Variants in FGF13 observed in about 807,000 individuals in gnomAD.
The protein encoded by FGF13 is fibroblast growth factor 13, also known as fibroblast growth factor homologous factor 2.
FGF13 carries 2 observed loss-of-function variants against 19.5 expected under a neutral mutation model. The ratio of observed to expected loss-of-function variants is 0.10; its 90% CI spans 0.04 to 0.32. The LOEUF is 0.32. Among genes scored for constraint, FGF13 ranks in the 10% least tolerant of loss-of-function variants. The pLI is 1.00. For synonymous variants in FGF13, 72 were observed against 76.9 expected, an observed-to-expected ratio of 0.94 and a Z score of 0.33; for missense variants, 113 against 192.7, an observed-to-expected ratio of 0.59 and a Z score of 2.45.
At chrX:138,840,617 T>C (rs5974779) in intron 3 of FGF13, among the ~76,000 whole-genome samples, 8,356 of 111,300 alleles carry the variant, frequency 0.075, 786 homozygotes, top group African/African-American at 0.26. Context: ...CTGACTCTCA[T>C]TGTGTTATCT....
upstream of FGF13, among the ~76,000 whole-genome samples, chrX:138,740,009 C>G (rs756798828): frequency 6.2e-5 from 7 of 112,107 alleles, no homozygotes; most frequent in Non-Finnish European, 1.1e-4. Context: ...TTACACCATA[C>G]TCGTTACTGA....
intron 1 of FGF13, among the ~76,000 whole-genome samples, chrX:139,108,804 T>G (rs1209790484): frequency 9.0e-6 from 1 of 110,754 alleles, no homozygotes; most frequent in Non-Finnish European, 1.9e-5. Context: ...AAGCCCAGCA[T>G]GCACTAGCTA....
intron 1 of FGF13, among the ~76,000 whole-genome samples, chrX:138,731,899 TAAG>T (rs1279048346): frequency 9.0e-6 from 1 of 111,097 alleles, no homozygotes; most frequent in African/African-American, 3.3e-5. Flanking sequence ...AACAACTCAA[TAAG>T]ATAAGAAAAT....
intron 1 of FGF13, among the ~76,000 whole-genome samples, chrX:138,973,887 A>G (rs1165586288): frequency 8.9e-6 from 1 of 111,811 alleles, no homozygotes; most frequent in Admixed American, 9.6e-5. Flanking sequence ...ATGTTCTTAC[A>G]GGCGAACTTG....
chrX:138,639,879 G>A lies in FGF13; in HGVS notation c.403-4224C>T, dbSNP rs761872451. 9.9e-4 allele frequency among the ~76,000 whole-genome samples: 109 copies of A among 110,309 alleles called. 1 individual carries two copies. The highest frequency in any genetic ancestry group is 3.6e-3 in the African/African-American group (108 of 30,308). ...ATGGTGGTGGGCACCTGTAGTCCCA[G>A]CTACTCAGGAGGCTGAGGCAGGAGA... On this transcript the variant is annotated intron_variant, in intron 3 of 4. Coordinates refer to ENST00000315930, the MANE Select transcript of FGF13 (RefSeq NM_004114.5).
intron 1 of FGF13, among the ~76,000 whole-genome samples, chrX:139,140,081 T>C (rs1476503364): frequency 2.7e-5 from 3 of 111,553 alleles, no homozygotes; most frequent in Non-Finnish European, 5.7e-5. Context: ...CAGGACTTCA[T>C]TTCCCATTCA....
chrX:139,009,300 G>T (rs1452329235), intron 1 of FGF13, among the ~76,000 whole-genome samples: 1 of 111,064 alleles, frequency 9.0e-6, no homozygotes, highest in Non-Finnish European at 1.9e-5. Context: ...GAAGCTCAAA[G>T]AACACCTGGG....
chrX:138,780,201 C>T (rs1319364290), intron 3 of FGF13, among the ~76,000 whole-genome samples: 25 of 109,570 alleles, frequency 2.3e-4, no homozygotes, highest in South Asian at 8.2e-4. Flanking sequence ...TACCAGCCGC[C>T]GCAAAATCAT....
chrX:139,014,806 C>T (rs1209108661), intron 1 of FGF13, among the ~76,000 whole-genome samples: 1 of 111,105 alleles, frequency 9.0e-6, no homozygotes, highest in East Asian at 2.8e-4. Flanking sequence ...AATATTGATG[C>T]AAAAATCCTC....
intron 3 of FGF13, among the ~76,000 whole-genome samples, chrX:138,642,528 G>A (rs1221167853): frequency 9.0e-6 from 1 of 111,543 alleles, no homozygotes. Context: ...AACATGAAAT[G>A]TGGGATTGCT....
At chrX:138,879,024 T>C (rs1467561373) in intron 1 of FGF13, among the ~76,000 whole-genome samples, 11 of 111,931 alleles carry the variant, frequency 9.8e-5, no homozygotes, top group Non-Finnish European at 1.9e-4. Flanking sequence ...GTACATTTGT[T>C]TGAGTTCATT....
chrX:138,794,402 G>C (rs2090763052), intron 3 of FGF13, among the ~76,000 whole-genome samples: 1 of 111,793 alleles, frequency 8.9e-6, no homozygotes, highest in South Asian at 3.8e-4. Context: ...GCATGCACTT[G>C]AGTAGCTATG....
At chrX:138,674,884 T>A (rs940409344) in intron 3 of FGF13, among the ~76,000 whole-genome samples, 7 of 111,379 alleles carry the variant, frequency 6.3e-5, no homozygotes, top group Admixed American at 2.9e-4. Context: ...TCAAGATTTA[T>A]AGCAAGAGTA....
At chrX:139,066,966 G>A (rs1311942118) in intron 1 of FGF13, among the ~76,000 whole-genome samples, 4 of 111,638 alleles carry the variant, frequency 3.6e-5, no homozygotes, top group African/African-American at 1.3e-4. Flanking sequence ...CGGATGCAAG[G>A]CTGGTTCAAC....
chrX:138,710,773 C>G (rs202162847), intron 1 of FGF13, 44 bp downstream of exon 1: 1 of 1,199,754 alleles, frequency 8.3e-7, no homozygotes, highest in Non-Finnish European at 1.1e-6. Flanking sequence ...GCCCCCACCT[C>G]ACTCGTAAAG....
At chrX:138,952,731 GA>G (rs1226225042) in intron 1 of FGF13, among the ~76,000 whole-genome samples, 2 of 111,151 alleles carry the variant, frequency 1.8e-5, no homozygotes, top group Non-Finnish European at 3.8e-5. Flanking sequence ...AAATTTACAA[GA>G]AAAAAACAAA....
intron 3 of FGF13, among the ~76,000 whole-genome samples, chrX:138,647,818 AG>A (rs1356326943): frequency 1.8e-5 from 2 of 112,333 alleles, no homozygotes; most frequent in Non-Finnish European, 3.8e-5. Flanking sequence ...ATACTTCATA[AG>A]CTTTGTACAA....
intron 1 of FGF13, among the ~76,000 whole-genome samples, chrX:139,039,844 G>C (rs1032835044): frequency 8.9e-6 from 1 of 111,916 alleles, no homozygotes; most frequent in African/African-American, 3.2e-5. Context: ...CCCAGGCAAA[G>C]AGAACACCTG....
At chrX:139,192,552 C>A (rs2084340053) in intron 1 of FGF13, among the ~76,000 whole-genome samples, 2 of 112,161 alleles carry the variant, frequency 1.8e-5, no homozygotes, top group Admixed American at 1.9e-4. Context: ...AGAAACACTG[C>A]CCAGAGGCAG....
Sources: gnomAD v4.1 joint callset for allele counts (sites outside exome capture counted in the v4.1 genomes callset) on GRCh38, gnomAD v4.1.1 for gene constraint, MANE v1.5 for transcripts, NCBI Gene and HGNC (gene_info 2026-07-23, HGNC 2026-07-21) for gene names.